KDM4C: variants seen among roughly 807,000 people sequenced by gnomAD.
KDM4C encodes lysine demethylase 4C.
Under a neutral mutation model 129.3 loss-of-function variants are expected in KDM4C, and 81 were observed. The ratio of observed to expected loss-of-function variants is 0.63; its 90% CI spans 0.52 to 0.75. The LOEUF (loss-of-function observed/expected upper bound fraction) is 0.75, where lower values mean the gene tolerates loss of function less well. Among genes scored for constraint, KDM4C ranks in the 30% least tolerant of loss-of-function variants. KDM4C has a pLI of 0.00. For synonymous variants in KDM4C, 573 were observed against 456.1 expected, an observed-to-expected ratio of 1.26 and a Z score of -3.26; for missense variants, 1,457 against 1,304.0, an observed-to-expected ratio of 1.12 and a Z score of -1.81.
chr9:6,960,106 C>T (rs1005911654), intron 8 of KDM4C, among the ~76,000 whole-genome samples: 7 of 151,834 alleles, frequency 4.6e-5, no homozygotes, highest in Admixed American at 1.3e-4. Flanking sequence ...AAGACCTTCC[C>T]AAAGTCACAA....
At chr9:7,117,854 A>G (rs10491782) in intron 18 of KDM4C, among the ~76,000 whole-genome samples, 66,700 of 152,084 alleles carry the variant, frequency 0.44, 15,007 homozygotes, top group East Asian at 0.75. Context: ...GGCGAAGCTC[A>G]TGCCAGGTTT....
At chr9:6,878,060 A>G (rs1191223325) in intron 5 of KDM4C, among the ~76,000 whole-genome samples, 1 of 152,220 alleles carries the variant, frequency 6.6e-6, no homozygotes, top group East Asian at 1.9e-4. Flanking sequence ...CACTTTGAGC[A>G]AGATAATGAC....
At chr9:6,921,625 A>G (rs1007340825) in intron 8 of KDM4C, among the ~76,000 whole-genome samples, 1 of 152,090 alleles carries the variant, frequency 6.6e-6, no homozygotes, top group African/African-American at 2.4e-5. Flanking sequence ...ATTTCTCTCT[A>G]TTCTTTATTC....
Position 6,758,374 on chromosome 9 carries a change from G to A in KDM4C, c.-18+171G>A, listed in dbSNP as rs1818689388. On this transcript the variant is annotated intron_variant, in intron 1 of 21. Coordinates refer to ENST00000381309, the MANE Select transcript of KDM4C (RefSeq NM_015061.6). This position sits in a 1 kb window ranked among gnomAD's most constrained non-coding sequence, Gnocchi z 4.6. ...TGCAGCGACTGTCAAGCTGGGGAGG[G>A]AGCGGCCGGCCGCGGCCGCAGGGGA... Among the ~76,000 whole-genome samples the A allele has an allele frequency of 6.6e-6, 1 of 152,122 alleles. No homozygotes were observed. Among genetic ancestry groups the A allele is most frequent in the African/African-American group, 2.4e-5 (1 of 41,450 alleles).
chr9:6,724,848 T>C (rs921347940), intron 1 of KDM4C, among the ~76,000 whole-genome samples: 3 of 152,078 alleles, frequency 2.0e-5, no homozygotes, highest in Non-Finnish European at 2.9e-5. Flanking sequence ...ATTACTTTCT[T>C]ATTGCCACTA....
chr9:6,900,866 G>A (rs950362789), intron 8 of KDM4C, among the ~76,000 whole-genome samples: 1 of 152,068 alleles, frequency 6.6e-6, no homozygotes, highest in African/African-American at 2.4e-5. Context: ...AAAAGGACTT[G>A]TGTATAGAGA....
intron 4 of KDM4C, chr9:6,834,946 C>T: frequency 1.9e-6 from 2 of 1,077,206 alleles, no homozygotes; most frequent in East Asian, 2.4e-5. Flanking sequence ...ACAGTGTGCC[C>T]ATCTGCGAGG....
At chr9:6,857,223 A>G (rs578063940) in intron 5 of KDM4C, among the ~76,000 whole-genome samples, 5 of 152,304 alleles carry the variant, frequency 3.3e-5, no homozygotes, top group African/African-American at 1.2e-4. Context: ...GCTCAAGCCC[A>G]GGGGTTCGAA....
chr9:6,803,225 C>G (rs927230087), intron 2 of KDM4C, among the ~76,000 whole-genome samples: 3 of 152,064 alleles, frequency 2.0e-5, no homozygotes, highest in Non-Finnish European at 2.9e-5. Context: ...GAGCTGTGTG[C>G]TTGTGATTAT....
At chr9:7,151,559 C>G (rs1239931529) in intron 19 of KDM4C, among the ~76,000 whole-genome samples, 12 of 152,114 alleles carry the variant, frequency 7.9e-5, no homozygotes, top group Admixed American at 7.2e-4. Context: ...CCTGTATTCT[C>G]AGCTATTTGG....
At chr9:7,121,505 A>G (rs1839483313) in intron 18 of KDM4C, among the ~76,000 whole-genome samples, 1 of 152,198 alleles carries the variant, frequency 6.6e-6, no homozygotes, top group Non-Finnish European at 1.5e-5. Flanking sequence ...AAAGGGTGGG[A>G]AATAAACTTC....
chr9:7,110,252 G>T (rs566811394), intron 18 of KDM4C, among the ~76,000 whole-genome samples: 32 of 152,252 alleles, frequency 2.1e-4, no homozygotes, highest in South Asian at 6.2e-4. Flanking sequence ...CTCTACTAGA[G>T]ACCAAATTTG....
At chr9:6,931,394 G>C (rs2131309839) in intron 8 of KDM4C, among the ~76,000 whole-genome samples, 1 of 152,088 alleles carries the variant, frequency 6.6e-6, no homozygotes, top group African/African-American at 2.4e-5. Context: ...AGATAACAAG[G>C]ACATTTTATG....
intron 8 of KDM4C, among the ~76,000 whole-genome samples, chr9:6,902,139 A>G (rs748512014): frequency 1.4e-4 from 21 of 152,176 alleles, no homozygotes; most frequent in Admixed American, 4.6e-4. Context: ...GTTCCAAAAC[A>G]TTAACTTAAT....
chr9:7,120,387 A>G (rs951061095), intron 18 of KDM4C, among the ~76,000 whole-genome samples: 5 of 152,198 alleles, frequency 3.3e-5, no homozygotes, highest in African/African-American at 9.6e-5. Context: ...AAGGGCCTGT[A>G]TAATTTCCAA....
At chr9:7,061,115 T>A (rs1050875202) in intron 17 of KDM4C, among the ~76,000 whole-genome samples, 4 of 152,202 alleles carry the variant, frequency 2.6e-5, no homozygotes, top group African/African-American at 4.8e-5. Flanking sequence ...AGGGGAAGAT[T>A]TAGCTCAATT....
chr9:6,927,101 A>G (rs538079548), intron 8 of KDM4C, among the ~76,000 whole-genome samples: 20 of 149,200 alleles, frequency 1.3e-4, no homozygotes, highest in African/African-American at 4.2e-4. Context: ...CTATCTATCT[A>G]TCTATCTATC....
intron 1 of KDM4C, among the ~76,000 whole-genome samples, chr9:6,749,922 G>A (rs900943714): frequency 6.8e-6 from 1 of 146,864 alleles, no homozygotes; most frequent in Admixed American, 7.0e-5. Context: ...GGGGGCGGAG[G>A]TTGCAGTGAG....
intron 8 of KDM4C, among the ~76,000 whole-genome samples, chr9:6,971,919 T>C (rs1832050477): frequency 6.6e-6 from 1 of 152,210 alleles, no homozygotes; most frequent in Non-Finnish European, 1.5e-5. Flanking sequence ...TCTAGTGGGC[T>C]AGCCATCATT....
Sources: gnomAD v4.1 joint callset for allele counts (sites outside exome capture counted in the v4.1 genomes callset) on GRCh38, gnomAD v4.1.1 for gene constraint, Gnocchi (gnomAD v3.1) non-coding constraint, MANE v1.5 for transcripts, NCBI Gene and HGNC (gene_info 2026-07-23, HGNC 2026-07-21) for gene names.